The following COL10A1 variants were observed in gnomAD, a reference collection of about 807,000 sequenced individuals.
The protein encoded by COL10A1 is collagen type X alpha 1 chain.
A neutral mutation model predicts 18.2 loss-of-function variants in COL10A1; 10 were observed. The ratio of observed to expected loss-of-function variants is 0.55; its 90% CI spans 0.34 to 0.93. The LOEUF is 0.93. Among genes scored for constraint, COL10A1 ranks in the 40% least tolerant of loss-of-function variants. COL10A1 has a pLI of 0.02. For missense variants in COL10A1, 897 were observed against 853.5 expected, an observed-to-expected ratio of 1.05 and a Z score of -0.64; for synonymous variants, 330 against 316.6, an observed-to-expected ratio of 1.04 and a Z score of -0.45.
rs974271230 is a variant in COL10A1, at chr6:116,125,670, T to G, written c.-15-163A>C. On this transcript the variant is annotated intron_variant, in intron 1 of 2. Coordinates refer to ENST00000651968, the MANE Select transcript of COL10A1 (RefSeq NM_000493.4). ...TAAATGAGAGATCATTTTTTAGTTA[T>G]GTGAATATATGTCTTAGTTATTTTT... is the stretch of plus-strand genomic sequence containing the variant. The G allele has an allele frequency of 1.1e-5, 6 of 560,298 alleles. No individual in the cohort carries two copies. The African/African-American group carries it at 1.1e-4, about 11-fold the overall frequency. The allele number at this position is 560,298 out of a possible 1,614,324, so 34.7% of individuals were successfully genotyped here.
At chr6:116,126,412 C>T (rs763126038), upstream of COL10A1, among the ~76,000 whole-genome samples, 3 of 151,910 alleles carry the variant, frequency 2.0e-5, no homozygotes, top group South Asian at 2.1e-4. Context: ...GGCTGGTTCA[C>T]GGTGGAATGA....
intron 1 of COL10A1, among the ~76,000 whole-genome samples, chr6:116,155,823 GT>G (rs1383111967): frequency 6.1e-5 from 9 of 147,040 alleles, no homozygotes; most frequent in Admixed American, 6.1e-4. Context: ...CAGGGTATAT[GT>G]TTTTTAAAGA....
the COL10A1 span, among the ~76,000 whole-genome samples, chr6:116,175,634 T>C: frequency 6.6e-6 from 1 of 152,316 alleles, no homozygotes; most frequent in African/African-American, 2.4e-5. Flanking sequence ...TCTTTGTGTT[T>C]CAGTTTAGGT....
chr6:116,181,035 T>C, the COL10A1 span, among the ~76,000 whole-genome samples: 1 of 152,022 alleles, frequency 6.6e-6, no homozygotes, highest in African/African-American at 2.4e-5. Context: ...TTAAAGGTAT[T>C]TTGGGATGAA....
the COL10A1 span, among the ~76,000 whole-genome samples, chr6:116,197,901 A>T: frequency 6.6e-6 from 1 of 152,048 alleles, no homozygotes; most frequent in Non-Finnish European, 1.5e-5. Context: ...TGTCTACTTC[A>T]TTAGGAGCTC....
At chr6:116,181,048 C>T in the COL10A1 span, among the ~76,000 whole-genome samples, 1 of 151,396 alleles carries the variant, frequency 6.6e-6, no homozygotes, top group Admixed American at 6.6e-5. Context: ...GGGATGAAAT[C>T]ATATGGTATC....
the COL10A1 span, among the ~76,000 whole-genome samples, chr6:116,213,872 CCA>C: frequency 6.6e-6 from 1 of 151,916 alleles, no homozygotes; most frequent in African/African-American, 2.4e-5. Context: ...GGATTTTGTG[CCA>C]AGCACTATGA....
the COL10A1 span, among the ~76,000 whole-genome samples, chr6:116,197,982 A>G: frequency 1.3e-5 from 2 of 152,060 alleles, no homozygotes; most frequent in African/African-American, 4.8e-5. Context: ...GGCAGTGGCA[A>G]TTTATGGCCC....
chr6:116,212,146 G>A, the COL10A1 span, among the ~76,000 whole-genome samples: 3 of 151,928 alleles, frequency 2.0e-5, no homozygotes, highest in Admixed American at 1.3e-4. Context: ...TAATAACTCT[G>A]TCAAAACAAT....
At chr6:116,210,257 G>A in the COL10A1 span, among the ~76,000 whole-genome samples, 1 of 151,694 alleles carries the variant, frequency 6.6e-6, no homozygotes, top group African/African-American at 2.4e-5. Flanking sequence ...TATATGTAAG[G>A]TTCAAAAAGA....
chr6:116,121,147 C>T lies in COL10A1; in HGVS notation c.969G>A (p.Gly323=). 2 of 1,613,218 alleles carry T rather than the reference C, an allele frequency of 1.2e-6. No individual in the cohort carries two copies. The highest frequency in any genetic ancestry group is 1.7e-6 in the Non-Finnish European group (2 of 1,179,598). ...AGLPGGPGAK[G]EQGPAGLPGK... ...CAGGAAGACCTGCTGGCCCTTGTTC[C>T]CCTTTGGCACCTGGACCCCCAGGAA... The change falls in exon 3 of 3, where the codon GGG becomes GGA. Residue 323 remains glycine, a synonymous_variant. Transcript: ENST00000651968.
the COL10A1 span, among the ~76,000 whole-genome samples, chr6:116,195,196 G>C: frequency 2.6e-5 from 4 of 152,096 alleles, no homozygotes; most frequent in South Asian, 8.3e-4. Flanking sequence ...AAAACATACT[G>C]AAGTTATAAT....
chr6:116,188,555 T>C, the COL10A1 span, among the ~76,000 whole-genome samples: 2 of 152,000 alleles, frequency 1.3e-5, no homozygotes, highest in Admixed American at 6.6e-5. Context: ...TATTCTATGG[T>C]TGCATTTATA....
At chr6:116,144,147 G>A (rs775642175) in intron 1 of COL10A1, among the ~76,000 whole-genome samples, 2 of 152,136 alleles carry the variant, frequency 1.3e-5, no homozygotes, top group African/African-American at 2.4e-5. Context: ...GGGGATTTAT[G>A]TAATTGGAAT....
chr6:116,169,293 A>G, the COL10A1 span, among the ~76,000 whole-genome samples: 4 of 152,154 alleles, frequency 2.6e-5, no homozygotes, highest in Non-Finnish European at 4.4e-5. Context: ...CAGTTAGACA[A>G]TTTGTTCAAA....
In COL10A1 at chr6:116,121,550, C is replaced by T. The variant is rs1225909280; in HGVS notation, c.566G>A (p.Gly189Glu). 2.5e-6 allele frequency: 4 copies of T among 1,614,000 alleles called. No individual in the cohort carries two copies. The highest frequency in any genetic ancestry group is 1.1e-5 in the South Asian group (1 of 91,086). ...PGVPGMNGQK[G>E]EMGYGAPGRP... Reference sequence around the variant, plus strand: ...ACCAGGAGCACCATATCCCATTTCCCCTTTCTGTCCATTCATACCAGGGAC... The same window carrying T: ...ACCAGGAGCACCATATCCCATTTCCTCTTTCTGTCCATTCATACCAGGGAC... Residue 189 changes from glycine to glutamate, a missense_variant, in exon 3 of 3, where the codon GGG (glycine) becomes GAG (glutamate). Coordinates refer to ENST00000651968, the MANE Select transcript of COL10A1 (RefSeq NM_000493.4).
chr6:116,188,871 A>G, the COL10A1 span, among the ~76,000 whole-genome samples: 1 of 151,684 alleles, frequency 6.6e-6, no homozygotes, highest in East Asian at 1.9e-4. Context: ...CATAGCTGAT[A>G]CTCTGTTTTT....
upstream of COL10A1, among the ~76,000 whole-genome samples, chr6:116,162,968 A>G (rs2114431399): frequency 6.6e-6 from 1 of 151,844 alleles, no homozygotes; most frequent in Non-Finnish European, 1.5e-5. Context: ...TCTACTAAAT[A>G]TACAAAAAAT....
At chr6:116,135,848 T>TATATATATATATATATATATAC (rs1562132559) in intron 1 of COL10A1, among the ~76,000 whole-genome samples, 6 of 105,598 alleles carry the variant, frequency 5.7e-5, no homozygotes, top group African/African-American at 2.9e-4. Flanking sequence ...TATATATATA[T>TATATATATATATATATATATAC]ATATATATAT....
Sources: allele counts gnomAD v4.1 joint callset (sites outside exome capture counted in the v4.1 genomes callset), GRCh38; gene constraint gnomAD v4.1.1; transcripts MANE v1.5; gene names NCBI Gene and HGNC (gene_info 2026-07-23, HGNC 2026-07-21).